Variants in PMEPA1 observed in about 807,000 individuals in gnomAD.
PMEPA1 encodes the protein prostate transmembrane protein, androgen induced 1, also known as protein TMEPAI.
PMEPA1 carries 11 observed loss-of-function variants against 23.0 expected under a neutral mutation model. That is an observed-to-expected ratio of 0.48 (90% confidence interval 0.30 to 0.79). The LOEUF (loss-of-function observed/expected upper bound fraction) is 0.79, where lower values mean the gene tolerates loss of function less well. Among genes scored for constraint, PMEPA1 ranks in the 30% least tolerant of loss-of-function variants. PMEPA1 has a pLI of 0.06. For missense variants in PMEPA1, 377 were observed against 390.9 expected (o/e 0.96, Z 0.30); for synonymous variants, 204 against 166.4 (o/e 1.23, Z -1.74).
At chr20:57,662,753 C>A (rs1437149316) in intron 1 of PMEPA1, among the ~76,000 whole-genome samples, 15 of 150,868 alleles carry the variant, frequency 9.9e-5, no homozygotes, top group African/African-American at 3.4e-4. Context: ...CAACCCTGTG[C>A]ACTCTTCACC....
rs79944264 is a variant in PMEPA1, at chr20:57,679,085, A to G, written c.110-19388T>C. Among the ~76,000 whole-genome samples the G allele has an allele frequency of 7.7e-3, 1,170 of 152,324 alleles. 24 individuals carry two copies. The highest frequency in any genetic ancestry group is 0.027 in the African/African-American group (1,108 of 41,570). Reference sequence around the variant, plus strand: ...TGTCTTCTCCAGAACATGGAACAGAACTAGAGCAGGTTTGTGATAATGAGC... The same window carrying G: ...TGTCTTCTCCAGAACATGGAACAGAGCTAGAGCAGGTTTGTGATAATGAGC... On this transcript the variant is annotated intron_variant, in intron 1 of 3. Transcript: ENST00000341744.
At position 57,652,537 on chromosome 20, in the gene PMEPA1, C is replaced by G. The variant is rs370013717; in HGVS notation, c.380G>C (p.Arg127Pro). ...GGGCTGGAAGCGGTGGAAGCGCTCCCGCTGGGCGAAGGGCGGCACGGCCAG... is the reference window on the plus strand; with the variant it reads ...GGGCTGGAAGCGGTGGAAGCGCTCCGGCTGGGCGAAGGGCGGCACGGCCAG... ...DRLAVPPFAQ[R>P]ERFHRFQPTY... Residue 127 changes from arginine to proline, a missense_variant, in exon 4 of 4, where the codon CGG becomes CCG. Coordinates refer to ENST00000341744, the MANE Select transcript of PMEPA1 (RefSeq NM_020182.5). This position sits in a 1 kb window ranked among gnomAD's most constrained non-coding sequence, Gnocchi z 6.1. 2.5e-5 allele frequency: 39 copies of G among 1,553,200 alleles called. 1 individual carries two copies. The highest frequency in any genetic ancestry group is 1.4e-4 in the East Asian group (6 of 44,080).
At chr20:57,684,920 T>A (rs1224501546) in intron 1 of PMEPA1, among the ~76,000 whole-genome samples, 1 of 152,072 alleles carries the variant, frequency 6.6e-6, no homozygotes, top group Non-Finnish European at 1.5e-5. Context: ...TTTTCCTTTT[T>A]CGATGATGGT....
rs761796387 is a variant in PMEPA1, at chr20:57,709,453, G to T, written c.109+21C>A. 2.7e-6 allele frequency: 3 copies of T among 1,098,354 alleles called. No individual in the cohort carries two copies. The Admixed American group carries it at 1.2e-4, about 44-fold the overall frequency. The allele number at this position is 1,098,354 out of a possible 1,614,324, so 68.0% of individuals were successfully genotyped here. The stretch of plus-strand genomic sequence containing the variant: ...CCGAGCCCGATGGAGTCTCCGGGGA[G>T]GGGGGCGTGGGGTCACTCACTGATC... On this transcript the variant is annotated intron_variant, in intron 1 of 3. Coordinates refer to ENST00000341744, the MANE Select transcript of PMEPA1 (RefSeq NM_020182.5).
rs370597031 is a variant in PMEPA1, at chr20:57,682,468, C to T, written c.110-22771G>A. 8.5e-5 allele frequency among the ~76,000 whole-genome samples: 13 copies of T among 152,162 alleles called. No homozygotes were observed. Among genetic ancestry groups the T allele is most frequent in the Non-Finnish European group, 1.3e-4 (9 of 68,038 alleles). On this transcript the variant is annotated intron_variant, in intron 1 of 3. Transcript: ENST00000341744. The surrounding 1 kb of genome is among the most constrained non-coding windows in gnomAD (Gnocchi z 4.4). ...CAGGTTCTGGGTCTCCCTGGAGTGT[C>T]GGGGTCCTAGGCGCCGGCCCAGAGG...
intron 1 of PMEPA1, among the ~76,000 whole-genome samples, chr20:57,675,872 T>C (rs775188325): frequency 1.6e-4 from 25 of 152,206 alleles, no homozygotes; most frequent in Non-Finnish European, 3.4e-4. Context: ...TGTGTCTCCA[T>C]CTGTATGAGT....
In PMEPA1 at chr20:57,652,104, G is replaced by C. The variant is rs373142936; in HGVS notation, c.813C>G (p.Ser271Arg). Residue 271 changes from serine to arginine, a missense_variant, in exon 4 of 4, where the codon AGC becomes AGG. Transcript: ENST00000341744. This position sits in a 1 kb window ranked among gnomAD's most constrained non-coding sequence, Gnocchi z 6.1. ...LHHTHIAPLE[S>R]AAIWSKEKDK... ...CCTTCTCTTTGCTCCAGATGGCTGC[G>C]CTCTCTAGGGGCGCGATGTGTGTGT... 6.4e-7 allele frequency: 1 copy of C among 1,564,946 alleles called. No homozygotes were observed. The highest frequency in any genetic ancestry group is 8.7e-7 in the Non-Finnish European group (1 of 1,152,900).
intron 1 of PMEPA1, among the ~76,000 whole-genome samples, chr20:57,681,073 C>T (rs1032440848): frequency 2.0e-5 from 3 of 152,186 alleles, no homozygotes; most frequent in Non-Finnish European, 4.4e-5. Context: ...GAGGGATTTC[C>T]AAGTGCCCCA....
chr20:57,649,687 A>C lies in PMEPA1; in HGVS notation c.*2366T>G, dbSNP rs1045071007. The C allele has an allele frequency of 6.6e-6, 1 of 152,342 alleles. No individual in the cohort carries two copies. The highest frequency in any genetic ancestry group is 2.4e-5 in the African/African-American group (1 of 41,398). The allele number at this position is 152,342 out of a possible 1,614,324, so 9.4% of individuals were successfully genotyped here. On this transcript the variant is annotated 3_prime_UTR_variant, in exon 4 of 4. Coordinates refer to ENST00000341744, the MANE Select transcript of PMEPA1 (RefSeq NM_020182.5). ...GGAGTCGTGTACAAACCTTGGCAAA[A>C]AAAGGTTGGAGGAGCAGGAGTAACC... is the stretch of plus-strand genomic sequence containing the variant.
intron 1 of PMEPA1, among the ~76,000 whole-genome samples, chr20:57,662,444 G>A (rs2071434824): frequency 6.6e-6 from 1 of 152,202 alleles, no homozygotes; most frequent in South Asian, 2.1e-4. Context: ...GCTTTCCCAA[G>A]CCCCGAGAAG....
chr20:57,709,610 G>A lies in PMEPA1; in HGVS notation c.-28C>T. On this transcript the variant is annotated 5_prime_UTR_variant, in exon 1 of 4. Coordinates refer to ENST00000341744, the MANE Select transcript of PMEPA1 (RefSeq NM_020182.5). The stretch of plus-strand genomic sequence containing the variant: ...ACGGCGCGGCGGCGCGGCGCGGGGC[G>A]CGGGGGGCTCGGGGGCGGCCGGGGG... 2.0e-6 allele frequency: 2 copies of A among 990,168 alleles called. No individual in the cohort carries two copies. The highest frequency in any genetic ancestry group is 2.4e-6 in the Non-Finnish European group (2 of 825,360). 61.3% of individuals were successfully genotyped at this position (990,168 alleles called of 1,614,324 possible).
chr20:57,671,030 G>A (rs180952715), intron 1 of PMEPA1, among the ~76,000 whole-genome samples: 163 of 152,190 alleles, frequency 1.1e-3, no homozygotes, highest in Middle Eastern at 3.4e-3. Context: ...GAAAGTAAAC[G>A]GTCTCTAGAA....
intron 1 of PMEPA1, among the ~76,000 whole-genome samples, chr20:57,697,711 T>C (rs2071959329): frequency 6.6e-6 from 1 of 152,182 alleles, no homozygotes; most frequent in South Asian, 2.1e-4. Flanking sequence ...ATATTCCCCT[T>C]GCAGGCAGAG....
intron 1 of PMEPA1, among the ~76,000 whole-genome samples, chr20:57,672,117 C>T (rs994762580): frequency 6.6e-6 from 1 of 152,192 alleles, no homozygotes; most frequent in African/African-American, 2.4e-5. Context: ...TTTTTGTATT[C>T]GTAAATTGTT....
Position 57,652,181 on chromosome 20 carries a change from G to T in PMEPA1, c.736C>A (p.His246Asn). 2 of 1,609,356 alleles carry T rather than the reference G, an allele frequency of 1.2e-6. No homozygotes were observed. The highest frequency in any genetic ancestry group is 8.5e-7 in the Non-Finnish European group (1 of 1,178,504). The part of the protein sequence containing the change: ...IGHYPGSSFQ[H>N]QQSSGPPSLL... ...GAGGGCGGCCCACTGCTCTGCTGGT[G>T]CTGGAAGGAGGACCCCGGGTAGTGG... The change falls in exon 4 of 4, where the codon CAC becomes AAC. Residue 246 changes from histidine (H) to asparagine (N), a missense_variant. His to Asn is a moderately conservative substitution (Grantham distance 68, BLOSUM62 1). Coordinates refer to ENST00000341744, the MANE Select transcript of PMEPA1 (RefSeq NM_020182.5). The surrounding 1 kb of genome is among the most constrained non-coding windows in gnomAD (Gnocchi z 6.1).
chr20:57,697,085 C>A (rs879846364), intron 1 of PMEPA1, among the ~76,000 whole-genome samples: 1 of 152,152 alleles, frequency 6.6e-6, no homozygotes, highest in Admixed American at 6.5e-5. Context: ...CCTTAGAACT[C>A]ATGGAAGGAA....
Position 57,651,936 on chromosome 20 carries a change from G to A in PMEPA1, c.*117C>T. 4.1e-6 allele frequency: 3 copies of A among 732,200 alleles called. No homozygotes were observed. The highest frequency in any genetic ancestry group is 6.3e-6 in the Non-Finnish European group (3 of 475,564). The allele number at this position is 732,200 out of a possible 1,614,324, so 45.4% of individuals were successfully genotyped here. On this transcript the variant is annotated 3_prime_UTR_variant, in exon 4 of 4. Transcript: ENST00000341744. Reference sequence around the variant, plus strand: ...ATATTTATACACAGGGAGGTGGGAGGGGAGGGCCACACGATGCGTTGCTGC... The same window carrying A: ...ATATTTATACACAGGGAGGTGGGAGAGGAGGGCCACACGATGCGTTGCTGC...
At chr20:57,672,218 T>TGCACTCACAGCAG (rs1408332475) in intron 1 of PMEPA1, among the ~76,000 whole-genome samples, 1 of 152,280 alleles carries the variant, frequency 6.6e-6, no homozygotes, top group African/African-American at 2.4e-5. Context: ...TGTGCCTGCA[T>TGCACTCACAGCAG]GCACTCACAT....
intron 1 of PMEPA1, among the ~76,000 whole-genome samples, chr20:57,667,358 A>G (rs957646819): frequency 6.6e-6 from 1 of 152,112 alleles, no homozygotes; most frequent in Non-Finnish European, 1.5e-5. Context: ...AAATTTGTTA[A>G]TGTGCAAGAA....
Sources: gnomAD v4.1 joint callset for allele counts (sites outside exome capture counted in the v4.1 genomes callset) on GRCh38, gnomAD v4.1.1 for gene constraint, Gnocchi (gnomAD v3.1) non-coding constraint, MANE v1.5 for transcripts, NCBI Gene and HGNC (gene_info 2026-07-23, HGNC 2026-07-21) for gene names.